The following PDZRN3 variants were observed in gnomAD, a reference collection of about 807,000 sequenced individuals.
PDZRN3 encodes the protein PDZ domain containing ring finger 3, also known as E3 ubiquitin-protein ligase PDZRN3.
A neutral mutation model predicts 85.7 loss-of-function variants in PDZRN3; 38 were observed. The ratio of observed to expected loss-of-function variants is 0.44; its 90% confidence interval spans 0.34 to 0.58. The LOEUF (loss-of-function observed/expected upper bound fraction) is 0.58. Ranked by LOEUF, PDZRN3 falls within the 20% of genes least tolerant of loss-of-function variation. The pLI, the probability that PDZRN3 is intolerant of heterozygous loss-of-function variation, is 0.01. For missense variants in PDZRN3, 1,629 were observed against 1,506.4 expected (o/e 1.08, Z -1.35); for synonymous variants, 759 against 638.0 (o/e 1.19, Z -2.86).
In PDZRN3 at chr3:73,385,664, G is replaced by A. The variant is rs757162894; in HGVS notation, c.1635+5C>T. The A allele has an allele frequency of 1.0e-5, 16 of 1,570,904 alleles. No homozygotes were observed. The highest frequency in any genetic ancestry group is 8.3e-5 in the Admixed American group (5 of 59,938). On this transcript the variant is annotated splice_donor_5th_base_variant and intron_variant, in intron 9 of 9. Transcript: ENST00000263666. The stretch of plus-strand genomic sequence containing the variant: ...GAGTGTCAGGGACTGGTGCGTGGGC[G>A]TTACCTGCTGCAGCACGCTAGCTGT...
At position 73,604,992 on chromosome 3, in the gene PDZRN3, TG is replaced by T. The variant is rs567028477; in HGVS notation, c.811-2532del. 9.2e-5 allele frequency among the ~76,000 whole-genome samples: 14 copies of T among 152,086 alleles called. No homozygotes were observed. In the South Asian group the frequency reaches 2.1e-3, roughly 23 times the overall value. ...TCCCAGCACTTTGGGAGGCCGAGGC[TG>T]GTGGATCGCCTGAGCTCAGGAATTC... On this transcript the variant is annotated intron_variant, in intron 2 of 9. Coordinates refer to ENST00000263666, the MANE Select transcript of PDZRN3 (RefSeq NM_015009.3).
chr3:73,547,206 A>G (rs1051066752), intron 3 of PDZRN3, among the ~76,000 whole-genome samples: 2 of 152,232 alleles, frequency 1.3e-5, no homozygotes, highest in East Asian at 3.8e-4. Flanking sequence ...AACTCTGGAA[A>G]CAGGTTGACT....
At chr3:73,595,967 C>T (rs548548615) in intron 3 of PDZRN3, among the ~76,000 whole-genome samples, 28 of 152,186 alleles carry the variant, frequency 1.8e-4, no homozygotes, top group Admixed American at 8.5e-4. Context: ...CCCTAGCACC[C>T]ATATTTTGGT....
At chr3:73,423,737 C>T (rs1702249244) in intron 3 of PDZRN3, among the ~76,000 whole-genome samples, 1 of 152,120 alleles carries the variant, frequency 6.6e-6, no homozygotes, top group African/African-American at 2.4e-5. Flanking sequence ...TTACAGCCAG[C>T]CCACTCCGTC....
intron 3 of PDZRN3, among the ~76,000 whole-genome samples, chr3:73,494,328 G>C (rs114836119): frequency 5.1e-4 from 77 of 152,278 alleles, no homozygotes; most frequent in Non-Finnish European, 7.8e-4. Context: ...CCACTCATTA[G>C]AAAACTAATT....
rs755987481 is a variant in PDZRN3 at position 73,384,447 on chromosome 3, T to C, written c.2119A>G (p.Lys707Glu). The change falls in exon 10 of 10, where the codon AAG (lysine) becomes GAG (glutamate). Residue 707 changes from lysine to glutamate, a missense_variant. Coordinates refer to ENST00000263666, the MANE Select transcript of PDZRN3 (RefSeq NM_015009.3). ...LECLSIVRAH[K>E]MQQLKEQYRE... The stretch of plus-strand genomic sequence containing the variant: ...TACTGCTCCTTGAGCTGCTGCATCT[T>C]GTGGGCGCGCACGATGCTCAGGCAC... 31 of 1,612,164 alleles carry C rather than the reference T, an allele frequency of 1.9e-5. No homozygotes were observed. Among genetic ancestry groups the C allele is most frequent in the Non-Finnish European group, 2.5e-5 (30 of 1,180,034 alleles).
intron 3 of PDZRN3, among the ~76,000 whole-genome samples, chr3:73,518,601 AAT>A (rs1301301513): frequency 1.3e-5 from 2 of 152,182 alleles, no homozygotes; most frequent in Non-Finnish European, 2.9e-5. Flanking sequence ...GCTATAACAT[AAT>A]ACCATAGTCT....
At position 73,402,941 on chromosome 3, in the gene PDZRN3, C is replaced by CTTTTTTTT. The variant is rs140037400; in HGVS notation, c.1166+1199_1166+1206dup. Reference sequence around the variant, plus strand: ...GATGTGCAAAGTCACACATGAAAAGCTTTTTTTTTTTTTTTTTTTTGAGAC... The same window carrying CTTTTTTTT: ...GATGTGCAAAGTCACACATGAAAAGCTTTTTTTTTTTTTTTTTTTTTTTTTTTTGAGAC... On this transcript the variant is annotated intron_variant, in intron 4 of 9. Transcript: ENST00000263666. 2.0e-3 allele frequency among the ~76,000 whole-genome samples: 236 copies of CTTTTTTTT among 115,632 alleles called. 14 individuals carry two copies. Among genetic ancestry groups the CTTTTTTTT allele is most frequent in the African/African-American group, 8.3e-3 (222 of 26,734 alleles). 75.9% of individuals were successfully genotyped at this position (115,632 alleles called of 152,430 possible).
At chr3:73,616,903 A>T (rs1166787729) in intron 1 of PDZRN3, among the ~76,000 whole-genome samples, 2 of 152,202 alleles carry the variant, frequency 1.3e-5, no homozygotes, top group East Asian at 3.9e-4. Context: ...CAAAGAGAAC[A>T]CATGAACCCG....
At chr3:73,495,480 T>G (rs917976932) in intron 3 of PDZRN3, among the ~76,000 whole-genome samples, 11 of 152,246 alleles carry the variant, frequency 7.2e-5, no homozygotes, top group Non-Finnish European at 1.3e-4. Context: ...ATGTATTATT[T>G]TGTAACTTTT....
intron 3 of PDZRN3, among the ~76,000 whole-genome samples, chr3:73,583,359 C>G (rs996376745): frequency 6.6e-6 from 1 of 152,214 alleles, no homozygotes; most frequent in Non-Finnish European, 1.5e-5. Flanking sequence ...GTAAATTCTT[C>G]CTACATAAGC....
At chr3:73,565,159 T>TA (rs1701917997) in intron 3 of PDZRN3, among the ~76,000 whole-genome samples, 1 of 148,706 alleles carries the variant, frequency 6.7e-6, no homozygotes, top group Admixed American at 6.7e-5. Flanking sequence ...GATGGATTCT[T>TA]ACTCTGTTGC....
intron 3 of PDZRN3, among the ~76,000 whole-genome samples, chr3:73,457,823 A>C (rs1288156123): frequency 6.6e-6 from 1 of 152,200 alleles, no homozygotes; most frequent in African/African-American, 2.4e-5. Context: ...TGCAGCAAGA[A>C]GGCATCACCT....
chr3:73,450,998 T>C lies in PDZRN3; in HGVS notation c.919-46603A>G, dbSNP rs75729530. On this transcript the variant is annotated intron_variant, in intron 3 of 9. Transcript: ENST00000263666. ...ACCTCTATTTGGAGTTTTCAGGCCA[T>C]TGGGGAAACCTACCGTCACCGCCAA... Among the ~76,000 whole-genome samples, 528 of 151,928 alleles carry C rather than the reference T, an allele frequency of 3.5e-3. 1 individual carries two copies. The highest frequency in any genetic ancestry group is 0.012 in the African/African-American group (489 of 41,412).
At chr3:73,584,653 G>A (rs1702253509) in intron 3 of PDZRN3, among the ~76,000 whole-genome samples, 1 of 152,060 alleles carries the variant, frequency 6.6e-6, no homozygotes, top group Non-Finnish European at 1.5e-5. Flanking sequence ...TTAGATTCTA[G>A]TATTACTATG....
At chr3:73,565,958 G>A (rs938617164) in intron 3 of PDZRN3, among the ~76,000 whole-genome samples, 4 of 152,076 alleles carry the variant, frequency 2.6e-5, no homozygotes, top group Non-Finnish European at 5.9e-5. Context: ...AAAGACATGA[G>A]TCACATCTGA....
chr3:73,408,454 G>A (rs960865975), intron 3 of PDZRN3, among the ~76,000 whole-genome samples: 26 of 152,144 alleles, frequency 1.7e-4, no homozygotes, highest in African/African-American at 6.0e-4. Context: ...CCAGCCTAGT[G>A]AGGTGTTCTT....
chr3:73,512,951 ATTTAT>A (rs1387824469), intron 3 of PDZRN3, among the ~76,000 whole-genome samples: 2 of 152,148 alleles, frequency 1.3e-5, no homozygotes, highest in African/African-American at 2.4e-5. Context: ...TATTGCTTTC[ATTTAT>A]TTTAATGTAT....
intron 3 of PDZRN3, among the ~76,000 whole-genome samples, chr3:73,438,619 C>G (rs1044425822): frequency 3.3e-5 from 5 of 152,232 alleles, no homozygotes; most frequent in Non-Finnish European, 5.9e-5. Flanking sequence ...CTTCCTCTCT[C>G]AAATCTCTCA....
Sources: allele counts gnomAD v4.1 joint callset (sites outside exome capture counted in the v4.1 genomes callset), GRCh38; gene constraint gnomAD v4.1.1; transcripts MANE v1.5; gene names NCBI Gene and HGNC (gene_info 2026-07-23, HGNC 2026-07-21).